Variants in SEC31A observed in about 807,000 individuals in gnomAD.
The protein encoded by SEC31A is SEC31 homolog A, COPII component.
In SEC31A, 70 loss-of-function variants were observed where a neutral mutation model predicts 151.0. The observed-to-expected ratio is 0.46, with a 90% CI of 0.38 to 0.57. The LOEUF (loss-of-function observed/expected upper bound fraction) is 0.57, where lower values mean the gene tolerates loss of function less well. Ranked by LOEUF, SEC31A falls within the 20% of genes least tolerant of loss-of-function variation. The pLI, the probability that SEC31A is intolerant of heterozygous loss-of-function variation, is 0.00. For synonymous variants in SEC31A, 475 were observed against 505.9 expected (o/e 0.94, Z 0.82); for missense variants, 1,330 against 1,471.2 (o/e 0.90, Z 1.57).
In SEC31A at chr4:82,849,565, G is replaced by C. The variant is rs180712955; in HGVS notation, c.2329-588C>G. ...GGAGGCGGCACTTGCAGTGAGCTGA[G>C]AACATACCACTGCACTCCAGCCTGG... On this transcript the variant is annotated intron_variant, in intron 19 of 26. Transcript: ENST00000395310. Among the ~76,000 whole-genome samples the C allele has an allele frequency of 3.0e-3, 372 of 122,892 alleles. 1 individual carries two copies. Among genetic ancestry groups the C allele is most frequent in the Non-Finnish European group, 3.2e-3 (205 of 63,618 alleles). The allele number at this position is 122,892 out of a possible 152,430, so 80.6% of individuals were successfully genotyped here. A position where few individuals can be genotyped will look rare whatever the true frequency, so the allele number is the denominator to read the frequency against.
At chr4:82,826,095 C>G (rs185641471) in intron 24 of SEC31A, among the ~76,000 whole-genome samples, 1 of 152,154 alleles carries the variant, frequency 6.6e-6, no homozygotes, top group East Asian at 1.9e-4. Context: ...CCTGGCTGAA[C>G]ACTATGTATC....
chr4:82,872,335 G>A (rs757823372), intron 6 of SEC31A, among the ~76,000 whole-genome samples: 9 of 151,976 alleles, frequency 5.9e-5, no homozygotes, highest in Non-Finnish European at 8.8e-5. Flanking sequence ...GATTACAGGC[G>A]CAAGCCACCA....
rs954393478 is a variant in SEC31A at position 82,880,705 on chromosome 4, G to A, written c.203+94C>T. The A allele has an allele frequency of 1.7e-5, 18 of 1,055,402 alleles. 1 individual carries two copies. Among genetic ancestry groups the A allele is most frequent in the Non-Finnish European group, 2.3e-5 (17 of 746,204 alleles). The allele number at this position is 1,055,402 out of a possible 1,614,324, so 65.4% of individuals were successfully genotyped here. On this transcript the variant is annotated intron_variant, in intron 3 of 26. Coordinates refer to ENST00000395310, the MANE Select transcript of SEC31A (RefSeq NM_001077207.4). ...TTTCATGTTCTTGATGGTATTCCTT[G>A]TAGTTTCTAATAATGGCATAATTAT...
intron 11 of SEC31A, 89 bp from the exon 12 acceptor site, chr4:82,863,481 A>G (rs1442049712): frequency 8.5e-6 from 6 of 703,368 alleles, no homozygotes; most frequent in South Asian, 6.0e-5. Flanking sequence ...AAAGAGAATT[A>G]TTAAAAATAT....
intron 8 of SEC31A, among the ~76,000 whole-genome samples, chr4:82,867,791 C>T (rs1006059916): frequency 3.9e-5 from 6 of 152,182 alleles, no homozygotes; most frequent in Non-Finnish European, 7.3e-5. Flanking sequence ...CATCATCATG[C>T]CCGGCTAATT....
At chr4:82,891,856 T>C (rs534185626), upstream of SEC31A, among the ~76,000 whole-genome samples, 1 of 152,370 alleles carries the variant, frequency 6.6e-6, no homozygotes, top group South Asian at 2.1e-4. Flanking sequence ...AGTGTACTTT[T>C]AGTTTAGGGA....
intron 24 of SEC31A, among the ~76,000 whole-genome samples, chr4:82,826,871 T>C (rs986764489): frequency 1.3e-5 from 2 of 152,240 alleles, no homozygotes; most frequent in Non-Finnish European, 2.9e-5. Flanking sequence ...CTAAGTGTAT[T>C]ATGTAGAAAT....
At chr4:82,849,206 G>A (rs1350203428) in intron 19 of SEC31A, among the ~76,000 whole-genome samples, 1 of 152,178 alleles carries the variant, frequency 6.6e-6, no homozygotes, top group East Asian at 1.9e-4. Context: ...CTGAGGCAGA[G>A]ATCTGAGTTA....
In SEC31A at chr4:82,864,411, A is replaced by T; in HGVS notation, c.1385T>A (p.Ile462Asn). ...CTCAAATTCAGTCTGAGAAGCATCAATTTTTTTTTGGCAATAATTGATAAA... is the reference window on the plus strand; with the variant it reads ...CTCAAATTCAGTCTGAGAAGCATCATTTTTTTTTTGGCAATAATTGATAAA... ...QGFINYCQKKIDASQTEFEKN... is the reference protein window; with the variant it reads ...QGFINYCQKKNDASQTEFEKN... Residue 462 changes from isoleucine (I) to asparagine (N), a missense_variant, in exon 11 of 27, where the codon ATT becomes AAT. Ile to Asn is a moderately radical substitution (Grantham distance 149). Coordinates refer to ENST00000395310, the MANE Select transcript of SEC31A (RefSeq NM_001077207.4). 1.9e-5 allele frequency: 31 copies of T among 1,602,938 alleles called. No individual in the cohort carries two copies. Among genetic ancestry groups the T allele is most frequent in the Non-Finnish European group, 2.6e-5 (31 of 1,171,586 alleles).
intron 22 of SEC31A, among the ~76,000 whole-genome samples, chr4:82,840,520 G>A (rs1728483882): frequency 6.6e-6 from 1 of 152,234 alleles, no homozygotes; most frequent in Non-Finnish European, 1.5e-5. Flanking sequence ...GTGTATGTGT[G>A]TAAGTTTTGG....
rs55681370 is a variant in SEC31A, at chr4:82,865,536, GTATATATATATATATATATATA to G, written c.1198-960_1198-939del. On this transcript the variant is annotated intron_variant, in intron 10 of 26. Coordinates refer to ENST00000395310, the MANE Select transcript of SEC31A (RefSeq NM_001077207.4). Reference sequence around the variant, plus strand: ...AAATGAATGGATAAAAAAAAATGTGGTATATATATATATATATATATATATATATATATATATATATATATAT... The same window carrying G: ...AAATGAATGGATAAAAAAAAATGTGGTATATATATATATATATATATATAT... Among the ~76,000 whole-genome samples, 238 of 137,222 alleles carry G rather than the reference GTATATATATATATATATATATA, an allele frequency of 1.7e-3. 3 individuals carry two copies. Among genetic ancestry groups the G allele is most frequent in the African/African-American group, 4.4e-3 (159 of 36,436 alleles). 90.0% of individuals were successfully genotyped at this position (137,222 alleles called of 152,430 possible).
intron 22 of SEC31A, among the ~76,000 whole-genome samples, chr4:82,834,343 A>G (rs1443267853): frequency 6.6e-6 from 1 of 152,230 alleles, no homozygotes; most frequent in Non-Finnish European, 1.5e-5. Flanking sequence ...TCATGAGAAG[A>G]AAGTGCAGAA....
intron 22 of SEC31A, among the ~76,000 whole-genome samples, chr4:82,834,113 G>C (rs1726666598): frequency 6.6e-6 from 1 of 152,194 alleles, no homozygotes. Context: ...CTCCATGTGA[G>C]ATATGACTTC....
chr4:82,830,828 T>G (rs980629559), intron 22 of SEC31A: 4 of 307,894 alleles, frequency 1.3e-5, no homozygotes, highest in Non-Finnish European at 2.2e-5. Context: ...CTGATCAGAT[T>G]TGGGATATCA....
At chr4:82,887,542 G>A (rs922707142) in intron 1 of SEC31A, among the ~76,000 whole-genome samples, 3 of 152,186 alleles carry the variant, frequency 2.0e-5, no homozygotes, top group African/African-American at 7.2e-5. Flanking sequence ...GCTTCACTAT[G>A]TCCACCTCTG....
At chr4:82,883,233 G>A (rs764110585) in intron 1 of SEC31A, among the ~76,000 whole-genome samples, 2 of 152,184 alleles carry the variant, frequency 1.3e-5, no homozygotes, top group Non-Finnish European at 2.9e-5. Context: ...TGCACTATAA[G>A]ATGTACCATA....
At chr4:82,875,341 T>A (rs1418173184) in intron 5 of SEC31A, among the ~76,000 whole-genome samples, 2 of 152,238 alleles carry the variant, frequency 1.3e-5, no homozygotes, top group Admixed American at 1.3e-4. Flanking sequence ...TTAAACCTTG[T>A]CTTCCATGGT....
At chr4:82,845,338 A>G in intron 20 of SEC31A, 1 of 1,168,952 alleles carries the variant, frequency 8.6e-7, no homozygotes, top group Non-Finnish European at 1.1e-6. Flanking sequence ...TAAAAAATGA[A>G]AACGTTAAAA....
At chr4:82,824,108 G>A (rs1238281546) in intron 25 of SEC31A, among the ~76,000 whole-genome samples, 2 of 152,120 alleles carry the variant, frequency 1.3e-5, no homozygotes, top group African/African-American at 4.8e-5. Flanking sequence ...AACTATGTAA[G>A]TGCTAGCTTT....
Sources: allele counts gnomAD v4.1 joint callset (sites outside exome capture counted in the v4.1 genomes callset), GRCh38; gene constraint gnomAD v4.1.1; transcripts MANE v1.5; gene names NCBI Gene and HGNC (gene_info 2026-07-23, HGNC 2026-07-21).